Variants in KHDRBS2 observed in about 807,000 individuals in gnomAD.
KHDRBS2 encodes the protein KH RNA binding domain containing, signal transduction associated 2, also known as KH domain-containing, RNA-binding, signal transduction-associated protein 2.
KHDRBS2 carries 26 observed loss-of-function variants against 44.3 expected under a neutral mutation model. That is an observed-to-expected ratio of 0.59 (90% CI 0.43 to 0.81). KHDRBS2 has a LOEUF of 0.81. Ranked by LOEUF, KHDRBS2 falls within the 40% of genes least tolerant of loss-of-function variation. The probability of loss-of-function intolerance (pLI) is 0.00; values close to 1 mark genes in which losing one functional copy is unlikely to be tolerated. For missense variants in KHDRBS2, 476 were observed against 433.1 expected (o/e 1.10, Z -0.88); for synonymous variants, 194 against 151.1 (o/e 1.28, Z -2.08).
intron 6 of KHDRBS2, among the ~76,000 whole-genome samples, chr6:61,770,526 C>A (rs1187963505): frequency 6.6e-6 from 1 of 152,078 alleles, no homozygotes; most frequent in African/African-American, 2.4e-5. Flanking sequence ...GGCACGAGAG[C>A]TATGTGACGA....
intron 4 of KHDRBS2, among the ~76,000 whole-genome samples, chr6:61,945,113 G>GTA (rs61105265): frequency 0.054 from 809 of 14,944 alleles, 53 homozygotes; most frequent in African/African-American, 0.08. Context: ...AAAAAAAAAA[G>GTA]TATATATATA....
chr6:61,997,842 C>T (rs756053355), intron 3 of KHDRBS2, among the ~76,000 whole-genome samples: 5 of 152,090 alleles, frequency 3.3e-5, no homozygotes, highest in African/African-American at 4.8e-5. Context: ...ATCAATGACA[C>T]GATTCTATAA....
chr6:61,624,354 T>C, the KHDRBS2 span, among the ~76,000 whole-genome samples: 2 of 152,134 alleles, frequency 1.3e-5, no homozygotes. Context: ...TGGTCAACCT[T>C]CCAACAACAA....
chr6:62,234,888 A>G (rs1473104873), intron 1 of KHDRBS2, among the ~76,000 whole-genome samples: 1 of 152,008 alleles, frequency 6.6e-6, no homozygotes, highest in Non-Finnish European at 1.5e-5. Flanking sequence ...TGAGGTTCCT[A>G]TTCTGCACCA....
chr6:62,152,870 A>G (rs1584969698), intron 2 of KHDRBS2, among the ~76,000 whole-genome samples: 1 of 152,316 alleles, frequency 6.6e-6, no homozygotes, highest in Non-Finnish European at 1.5e-5. Context: ...TAGATCTGAA[A>G]TAAACAAATT....
the KHDRBS2 span, among the ~76,000 whole-genome samples, chr6:61,592,076 A>AAG: frequency 6.6e-6 from 1 of 151,296 alleles, no homozygotes; most frequent in Non-Finnish European, 1.5e-5. Context: ...CTGTAGTCCC[A>AAG]GTGACTCTGG....
intron 4 of KHDRBS2, among the ~76,000 whole-genome samples, chr6:61,914,155 A>G (rs1386188169): frequency 6.6e-6 from 1 of 152,088 alleles, no homozygotes; most frequent in Admixed American, 6.6e-5. Flanking sequence ...TGCATTAGGC[A>G]CTGCAGTCAT....
chr6:62,263,557 A>G (rs1406466877), intron 1 of KHDRBS2, among the ~76,000 whole-genome samples: 3 of 151,752 alleles, frequency 2.0e-5, no homozygotes, highest in Non-Finnish European at 4.4e-5. Context: ...AATTGTTTTC[A>G]TATTTTATGA....
At chr6:62,036,287 C>T (rs772229896) in intron 3 of KHDRBS2, among the ~76,000 whole-genome samples, 6 of 151,838 alleles carry the variant, frequency 4.0e-5, no homozygotes, top group Admixed American at 6.6e-5. Flanking sequence ...TTTATAGAGG[C>T]CATATTATAA....
chr6:62,062,485 C>T (rs925223965), intron 2 of KHDRBS2, among the ~76,000 whole-genome samples: 80 of 152,030 alleles, frequency 5.3e-4, no homozygotes, highest in African/African-American at 1.9e-3. Context: ...CACTCAAAGC[C>T]GCTCAGCTAC....
intron 1 of KHDRBS2, among the ~76,000 whole-genome samples, chr6:62,179,770 C>T (rs1205970679): frequency 2.0e-5 from 3 of 151,796 alleles, no homozygotes; most frequent in Non-Finnish European, 4.4e-5. Flanking sequence ...AGGATTAATT[C>T]TAATAACCTT....
At chr6:62,085,569 A>C (rs960563617) in intron 2 of KHDRBS2, among the ~76,000 whole-genome samples, 1 of 152,178 alleles carries the variant, frequency 6.6e-6, no homozygotes, top group African/African-American at 2.4e-5. Context: ...TCAAGAGTTT[A>C]ATGTATAAAT....
intron 6 of KHDRBS2, among the ~76,000 whole-genome samples, chr6:61,851,612 A>G (rs1372579533): frequency 6.6e-6 from 1 of 152,216 alleles, no homozygotes; most frequent in Non-Finnish European, 1.5e-5. Flanking sequence ...ATGGCCAGCT[A>G]CAAGTCAAAG....
chr6:61,566,498 G>T, the KHDRBS2 span, among the ~76,000 whole-genome samples: 12 of 152,124 alleles, frequency 7.9e-5, no homozygotes, highest in East Asian at 7.7e-4. Context: ...AATATCACAT[G>T]TACCCCATAA....
rs147725826 is a variant in KHDRBS2 at position 61,987,357 on chromosome 6, G to A, written c.337-9145C>T. Among the ~76,000 whole-genome samples the A allele has an allele frequency of 2.1e-3, 319 of 152,102 alleles. 1 individual carries two copies. Among genetic ancestry groups the A allele is most frequent in the African/African-American group, 7.5e-3 (310 of 41,510 alleles). ...ACAGGAGTAGCTCTTCCAATGACAGGAATAAACCAAATAATAAAAAAGTTG... is the reference window on the plus strand; with the variant it reads ...ACAGGAGTAGCTCTTCCAATGACAGAAATAAACCAAATAATAAAAAAGTTG... On this transcript the variant is annotated intron_variant, in intron 3 of 8. Transcript: ENST00000281156.
At chr6:61,638,535 AC>A in the KHDRBS2 span, among the ~76,000 whole-genome samples, 1 of 152,138 alleles carries the variant, frequency 6.6e-6, no homozygotes, top group Non-Finnish European at 1.5e-5. Flanking sequence ...TAAGCCTTAG[AC>A]CTAAAACCAT....
chr6:61,646,832 T>A, the KHDRBS2 span, among the ~76,000 whole-genome samples: 1 of 152,150 alleles, frequency 6.6e-6, no homozygotes, highest in Non-Finnish European at 1.5e-5. Flanking sequence ...TATTTATTTA[T>A]TTTTTGAGAC....
intron 4 of KHDRBS2, among the ~76,000 whole-genome samples, chr6:61,934,667 G>T (rs1039340525): frequency 9.2e-5 from 14 of 152,160 alleles, no homozygotes; most frequent in Non-Finnish European, 1.6e-4. Context: ...TACTATATTA[G>T]AAACTAAAAG....
chr6:62,088,692 T>A (rs1284762946), intron 2 of KHDRBS2, among the ~76,000 whole-genome samples: 3 of 152,064 alleles, frequency 2.0e-5, no homozygotes, highest in Non-Finnish European at 2.9e-5. Flanking sequence ...GGGACCCACT[T>A]GGGGGGACAT....
Sources: gnomAD v4.1 joint callset for allele counts (sites outside exome capture counted in the v4.1 genomes callset) on GRCh38, gnomAD v4.1.1 for gene constraint, MANE v1.5 for transcripts, NCBI Gene and HGNC (gene_info 2026-07-23, HGNC 2026-07-21) for gene names.